The following FUNDC1 variants were observed in gnomAD, a reference collection of about 807,000 sequenced individuals.
The protein encoded by FUNDC1 is FUN14 domain containing 1, also known as FUN14 domain-containing protein 1.
In FUNDC1, 10 loss-of-function variants were observed where a neutral mutation model predicts 14.5. That is an observed-to-expected ratio of 0.69 (90% CI 0.43 to 1.17). The LOEUF (loss-of-function observed/expected upper bound fraction) is 1.17. FUNDC1 is among the 50% of genes most tolerant of loss of function. FUNDC1 has a pLI of 0.00. For missense variants in FUNDC1, 115 were observed against 113.8 expected (o/e 1.01, Z -0.05); for synonymous variants, 33 against 39.7 (o/e 0.83, Z 0.64).
At chrX:44,525,836 C>A (rs780294608) in intron 4 of FUNDC1, among the ~76,000 whole-genome samples, 3 of 109,498 alleles carry the variant, frequency 2.7e-5, no homozygotes, top group South Asian at 3.9e-4. Context: ...CAGAGCAAGA[C>A]CCTGTCTAAA....
At chrX:44,527,750 C>T (rs2038907976) in intron 3 of FUNDC1, among the ~76,000 whole-genome samples, 1 of 111,698 alleles carries the variant, frequency 9.0e-6, no homozygotes, top group South Asian at 3.7e-4. Context: ...TAAAAAGATA[C>T]AGAGATTATC....
intron 2 of FUNDC1, among the ~76,000 whole-genome samples, chrX:44,541,005 A>T (rs1389206067): frequency 8.9e-6 from 1 of 112,361 alleles, no homozygotes; most frequent in African/African-American, 3.2e-5. Flanking sequence ...ATTTGCAAAA[A>T]AAAAGGCATA....
chrX:44,542,471 C>A (rs945705282), intron 1 of FUNDC1, among the ~76,000 whole-genome samples: 7 of 110,671 alleles, frequency 6.3e-5, no homozygotes, highest in African/African-American at 2.3e-4. Context: ...AGGGGTCCTC[C>A]TGAGAGAACT....
At chrX:44,540,405 ATG>A (rs1363816608) in intron 2 of FUNDC1, among the ~76,000 whole-genome samples, 2 of 92,747 alleles carry the variant, frequency 2.2e-5, no homozygotes, top group South Asian at 8.8e-4. Context: ...TGTAATCCAA[ATG>A]TGTGTGTTGT....
intron 2 of FUNDC1, among the ~76,000 whole-genome samples, chrX:44,539,518 G>T (rs779847860): frequency 3.6e-4 from 40 of 111,323 alleles, no homozygotes; most frequent in Non-Finnish European, 6.0e-4. Flanking sequence ...GAATGACAAG[G>T]ATTGCTGGCA....
At position 44,523,893 on chromosome X, in the gene FUNDC1, C is replaced by T. The variant is rs929279958; in HGVS notation, c.*305G>A. The T allele has an allele frequency of 4.7e-6, 1 of 210,750 alleles. No individual in the cohort carries two copies. The highest frequency in any genetic ancestry group is 2.9e-5 in the African/African-American group (1 of 34,473). The allele number at this position is 210,750 out of a possible 1,213,427, so 17.4% of individuals were successfully genotyped here. A position where few individuals can be genotyped will look rare whatever the true frequency, so the allele number is the denominator to read the frequency against. On this transcript the variant is annotated 3_prime_UTR_variant, in exon 5 of 5. Transcript: ENST00000378045. ...AAACCCAACATATTTCTTTTCTCTC[C>T]ATATCTACATCCAATGGTGATATTT...
At chrX:44,528,507 A>T (rs2038910494) in intron 3 of FUNDC1, among the ~76,000 whole-genome samples, 1 of 112,211 alleles carries the variant, frequency 8.9e-6, no homozygotes, top group African/African-American at 3.2e-5. Context: ...CCTTAGGAAA[A>T]TTCTACATAT....
intron 2 of FUNDC1, among the ~76,000 whole-genome samples, chrX:44,540,594 T>TG (rs1437955493): frequency 8.9e-6 from 1 of 112,204 alleles, no homozygotes; most frequent in African/African-American, 3.2e-5. Context: ...TATCTCCTGC[T>TG]GCTCTGTCTC....
rs138981757 is a variant in FUNDC1 at position 44,529,057 on chromosome X, G to A, written c.262-1692C>T. Among the ~76,000 whole-genome samples, 117 of 111,571 alleles carry A rather than the reference G, an allele frequency of 1.0e-3. 1 individual carries two copies. The East Asian group carries it at 0.03, about 28-fold the overall frequency. On this transcript the variant is annotated intron_variant, in intron 3 of 4. Coordinates refer to ENST00000378045, the MANE Select transcript of FUNDC1 (RefSeq NM_173794.4). ...CTCCCAATTCAACTGTCATTTTCAA[G>A]ACTTAACATTTTAAGTTACAAAGTT...
intron 3 of FUNDC1, among the ~76,000 whole-genome samples, chrX:44,532,732 A>G (rs1272820148): frequency 9.2e-6 from 1 of 109,060 alleles, no homozygotes; most frequent in African/African-American, 3.3e-5. Flanking sequence ...TTGTACTTTT[A>G]GTAGAGATGG....
chrX:44,535,171 A>C (rs750484302), intron 3 of FUNDC1, among the ~76,000 whole-genome samples: 1 of 110,412 alleles, frequency 9.1e-6, no homozygotes, highest in Non-Finnish European at 1.9e-5. Context: ...CAAAAGACAT[A>C]ACATACAAGA....
chrX:44,528,473 C>G lies in FUNDC1; in HGVS notation c.262-1108G>C, dbSNP rs962066718. Among the ~76,000 whole-genome samples, 4 of 112,041 alleles carry G rather than the reference C, an allele frequency of 3.6e-5. No homozygotes were observed. The East Asian group carries it at 1.1e-3, about 32-fold the overall frequency. Reference sequence around the variant, plus strand: ...TAGTACTTGATACAGCAATTTGAGTCACAGGCATGGAGGTGATGATGAACC... The same window carrying G: ...TAGTACTTGATACAGCAATTTGAGTGACAGGCATGGAGGTGATGATGAACC... On this transcript the variant is annotated intron_variant, in intron 3 of 4. Transcript: ENST00000378045.
intron 4 of FUNDC1, 89 bp from the exon 5 acceptor site, chrX:44,524,364 C>G (rs2038892909): frequency 1.7e-6 from 1 of 574,303 alleles, no homozygotes; most frequent in African/African-American, 2.3e-5. Context: ...ATAAGGTAGA[C>G]AAAAAAGAAC....
rs1255680333 is a variant in FUNDC1 at position 44,531,249 on chromosome X, C to A, written c.262-3884G>T. ...GAGAGTGAGACTGTTTCCAGAAAAA[C>A]ACACACACACACACACACACACACA... On this transcript the variant is annotated intron_variant, in intron 3 of 4. Coordinates refer to ENST00000378045, the MANE Select transcript of FUNDC1 (RefSeq NM_173794.4). 8.1e-4 allele frequency among the ~76,000 whole-genome samples: 41 copies of A among 50,848 alleles called. 1 individual carries two copies. In the African/African-American group the frequency reaches 8.4e-3, roughly 10 times the overall value. 44.2% of individuals were successfully genotyped at this position (50,848 alleles called of 115,157 possible).
chrX:44,536,112 G>C (rs1326639520), intron 3 of FUNDC1, among the ~76,000 whole-genome samples: 3 of 109,753 alleles, frequency 2.7e-5, no homozygotes, highest in Non-Finnish European at 5.7e-5. Flanking sequence ...AAGAGTTCTA[G>C]ACCAGCCTGG....
At chrX:44,524,315 A>C in intron 4 of FUNDC1, 40 bp from the exon 5 acceptor site, 2 of 904,240 alleles carry the variant, frequency 2.2e-6, no homozygotes, top group East Asian at 3.1e-5. Context: ...TAATTATGCT[A>C]CAACAGGGAT....
At chrX:44,533,627 C>CAAAAAAAAA (rs1156843539) in intron 3 of FUNDC1, among the ~76,000 whole-genome samples, 1 of 18,709 alleles carries the variant, frequency 5.3e-5, no homozygotes, top group Admixed American at 7.1e-4. Context: ...GACTCCGTCT[C>CAAAAAAAAA]AAAAAAAAAA....
chrX:44,538,624 T>C (rs897646085), intron 2 of FUNDC1, 82 bp from the exon 3 acceptor site: 56 of 731,792 alleles, frequency 7.7e-5, no homozygotes, highest in Non-Finnish European at 1.1e-4. Context: ...GCTTTCCTAA[T>C]AAAATCTTAT....
intron 4 of FUNDC1, among the ~76,000 whole-genome samples, chrX:44,525,926 G>A (rs1354152040): frequency 1.8e-5 from 2 of 108,300 alleles, no homozygotes; most frequent in African/African-American, 6.8e-5. Context: ...GCCAGGCATG[G>A]GGGCTCACGC....
Sources: allele counts gnomAD v4.1 joint callset (sites outside exome capture counted in the v4.1 genomes callset), GRCh38; gene constraint gnomAD v4.1.1; transcripts MANE v1.5; gene names NCBI Gene and HGNC (gene_info 2026-07-23, HGNC 2026-07-21).